The following CLIC2 variants were observed in gnomAD, a reference collection of about 807,000 sequenced individuals.
CLIC2 encodes chloride intracellular channel protein 2.
A neutral mutation model predicts 14.8 loss-of-function variants in CLIC2; 9 were observed. The ratio of observed to expected loss-of-function variants is 0.61; its 90% CI spans 0.37 to 1.06. The LOEUF is 1.06. CLIC2 is among the 50% of genes least tolerant of loss of function. The probability of loss-of-function intolerance (pLI) is 0.01; values close to 1 mark genes in which losing one functional copy is unlikely to be tolerated. For synonymous variants in CLIC2, 61 were observed against 66.3 expected, an observed-to-expected ratio of 0.92 and a Z score of 0.39; for missense variants, 148 against 181.4, an observed-to-expected ratio of 0.82 and a Z score of 1.06.
chrX:155,278,988 G>T, intron 5 of CLIC2, 161 bp downstream of exon 5: 1 of 500,667 alleles, frequency 2.0e-6, no homozygotes. Flanking sequence ...GAACATTATG[G>T]ATCTTCCCTC....
chrX:155,306,290 G>C (rs2075055242), intron 1 of CLIC2, among the ~76,000 whole-genome samples: 1 of 110,863 alleles, frequency 9.0e-6, no homozygotes, highest in Non-Finnish European at 1.9e-5. Flanking sequence ...GTTGTTAAAA[G>C]TATGTGGCAC....
chrX:155,298,800 G>A lies in CLIC2; in HGVS notation c.278C>T (p.Thr93Ile). ...FIKIEEFLEQ[T>I]LAPPRYPHLS... ...AATGCTGTACCTTGGAGGAGCCAGG[G>A]TTTGTTCTAAAAACTCCTCAATTTT... Residue 93 changes from threonine (T) to isoleucine (I), a missense_variant, in exon 3 of 6, where the codon ACC becomes ATC. Transcript: ENST00000369449. 1.7e-6 allele frequency: 2 copies of A among 1,210,093 alleles called. No individual in the cohort carries two copies. The highest frequency in any genetic ancestry group is 2.2e-6 in the Non-Finnish European group (2 of 894,356).
intron 1 of CLIC2, among the ~76,000 whole-genome samples, chrX:155,333,526 T>C (rs183386261): frequency 5.4e-5 from 6 of 110,812 alleles, no homozygotes; most frequent in Non-Finnish European, 1.1e-4. Context: ...TTGTTCTTAT[T>C]ATCCTGAATA....
chrX:155,322,562 A>G (rs1273149967), intron 1 of CLIC2, among the ~76,000 whole-genome samples: 1 of 112,155 alleles, frequency 8.9e-6, no homozygotes, highest in Non-Finnish European at 1.9e-5. Flanking sequence ...CAGTGTTTAG[A>G]GGGAAATTTA....
chrX:155,281,029 A>T (rs1388941937), intron 3 of CLIC2, among the ~76,000 whole-genome samples: 1 of 104,588 alleles, frequency 9.6e-6, no homozygotes, highest in Non-Finnish European at 1.9e-5. Context: ...TAGAATATTA[A>T]TCAGCCTTAA....
chrX:155,293,258 C>T (rs956865404), intron 3 of CLIC2: 3 of 967,444 alleles, frequency 3.1e-6, no homozygotes, highest in South Asian at 3.9e-5. Flanking sequence ...AGAAAAGATG[C>T]TCCCAAACGT....
chrX:155,326,472 A>G (rs1412658288), intron 1 of CLIC2, among the ~76,000 whole-genome samples: 1 of 112,023 alleles, frequency 8.9e-6, no homozygotes, highest in East Asian at 2.8e-4. Flanking sequence ...GCACAGAAAT[A>G]TTGCTGGTTT....
In CLIC2 at chrX:155,309,972, C is replaced by G. The variant is rs1281828137; in HGVS notation, c.58-10827G>C. On this transcript the variant is annotated intron_variant, in intron 1 of 5. Coordinates refer to ENST00000369449, the MANE Select transcript of CLIC2 (RefSeq NM_001289.6). Reference sequence around the variant, plus strand: ...AAAAGTCCACAATCCAAAGTCTCATCTGAGACAATGCAAGTCCCTTCCATC... The same window carrying G: ...AAAAGTCCACAATCCAAAGTCTCATGTGAGACAATGCAAGTCCCTTCCATC... 6.2e-5 allele frequency among the ~76,000 whole-genome samples: 7 copies of G among 112,293 alleles called. No homozygotes were observed. In the Admixed American group the frequency reaches 6.6e-4, roughly 11 times the overall value.
chrX:155,278,971 C>T, intron 5 of CLIC2, 178 bp downstream of exon 5: 1 of 474,695 alleles, frequency 2.1e-6, no homozygotes, highest in Admixed American at 3.3e-5. Context: ...TAATACTTCC[C>T]AGAAGAGAAC....
rs2075005398 is a variant in CLIC2, at chrX:155,299,083, G to C, written c.120C>G (p.Leu40=). The change falls in exon 2 of 6, where the codon CTC becomes CTG. Residue 40 remains leucine (L), a synonymous_variant. Transcript: ENST00000369449. ...CPFCQRLFMI[L]WLKGVKFNVT... Reference sequence around the variant, plus strand: ...CATTAAATTTAACTCCTTTAAGCCAGAGGATCATGAAAAGGCGTTGGCAAA... The same window carrying C: ...CATTAAATTTAACTCCTTTAAGCCACAGGATCATGAAAAGGCGTTGGCAAA... The C allele has an allele frequency of 1.7e-6, 2 of 1,208,730 alleles. No individual in the cohort carries two copies. Among genetic ancestry groups the C allele is most frequent in the African/African-American group, 3.5e-5 (2 of 57,145 alleles).
intron 1 of CLIC2, among the ~76,000 whole-genome samples, chrX:155,305,539 G>A (rs1413566519): frequency 4.5e-5 from 5 of 112,333 alleles, no homozygotes; most frequent in African/African-American, 1.3e-4. Context: ...CGTCTTCTGC[G>A]TCGCTCATCC....
chrX:155,304,526 A>G (rs1602946969), intron 1 of CLIC2, among the ~76,000 whole-genome samples: 1 of 87,830 alleles, frequency 1.1e-5, no homozygotes, highest in Non-Finnish European at 2.3e-5. Context: ...TTTGGTTTGA[A>G]TGTCCTCCCG....
chrX:155,302,870 T>C (rs1163382036), intron 1 of CLIC2, among the ~76,000 whole-genome samples: 1 of 81,058 alleles, frequency 1.2e-5, no homozygotes, highest in Non-Finnish European at 2.4e-5. Context: ...GTTGTTCAGT[T>C]TCCATGTAGT....
At chrX:155,284,273 G>A (rs2074932407) in intron 3 of CLIC2, among the ~76,000 whole-genome samples, 1 of 86,665 alleles carries the variant, frequency 1.2e-5, no homozygotes, top group South Asian at 5.5e-4. Context: ...TTTTTTTTGA[G>A]ATGGAGTTTT....
chrX:155,318,421 C>A (rs1180066760), intron 1 of CLIC2, among the ~76,000 whole-genome samples: 1 of 111,517 alleles, frequency 9.0e-6, no homozygotes, highest in African/African-American at 3.3e-5. Context: ...AGTGACCAAG[C>A]TGAGAATAAA....
rs782776255 is a variant in CLIC2 at position 155,313,068 on chromosome X, GCA to G, written c.58-13925_58-13924del. On this transcript the variant is annotated intron_variant, in intron 1 of 5. Transcript: ENST00000369449. Reference sequence around the variant, plus strand: ...GATTAAAAAGTCAAAAATAGGCTGGGCACCATGGCTCATGCCTGCAATCCTAG... The same window carrying G: ...GATTAAAAAGTCAAAAATAGGCTGGGCCATGGCTCATGCCTGCAATCCTAG... Among the ~76,000 whole-genome samples, 66 of 110,267 alleles carry G rather than the reference GCA, an allele frequency of 6.0e-4. No homozygotes were observed. The Middle Eastern group carries it at 0.014, about 23-fold the overall frequency.
chrX:155,282,146 C>G (rs1268652223), intron 3 of CLIC2, among the ~76,000 whole-genome samples: 4 of 111,846 alleles, frequency 3.6e-5, no homozygotes, highest in Non-Finnish European at 7.5e-5. Context: ...AGCCTTTTAA[C>G]TTGGTCTGCC....
At chrX:155,300,204 G>A (rs2124178551) in intron 1 of CLIC2, among the ~76,000 whole-genome samples, 1 of 110,094 alleles carries the variant, frequency 9.1e-6, no homozygotes, top group East Asian at 2.9e-4. Flanking sequence ...CAGTGTAAAA[G>A]TGTTCCTATT....
At chrX:155,307,435 G>A (rs992663211) in intron 1 of CLIC2, among the ~76,000 whole-genome samples, 26 of 111,481 alleles carry the variant, frequency 2.3e-4, no homozygotes, top group African/African-American at 8.2e-4. Flanking sequence ...TCAGAGGAGG[G>A]AGAGAAGAGA....
Sources: allele counts gnomAD v4.1 joint callset (sites outside exome capture counted in the v4.1 genomes callset), GRCh38; gene constraint gnomAD v4.1.1; transcripts MANE v1.5; gene names NCBI Gene and HGNC (gene_info 2026-07-23, HGNC 2026-07-21).